REC114: variants seen among roughly 807,000 people sequenced by gnomAD.
REC114 encodes the protein REC114 meiotic recombination protein.
A neutral mutation model predicts 31.3 loss-of-function variants in REC114; 27 were observed. The observed-to-expected ratio is 0.86, with a 90% confidence interval of 0.64 to 1.19. The LOEUF (loss-of-function observed/expected upper bound fraction) is 1.19, where lower values mean the gene tolerates loss of function less well. Ranked by LOEUF, REC114 falls within the 50% of genes most tolerant of loss-of-function variation. The probability of loss-of-function intolerance (pLI) is 0.00; values close to 1 mark genes in which losing one functional copy is unlikely to be tolerated. For missense variants in REC114, 344 were observed against 326.9 expected, an observed-to-expected ratio of 1.05 and a Z score of -0.40; for synonymous variants, 134 against 127.7, an observed-to-expected ratio of 1.05 and a Z score of -0.33.
intron 2 of REC114, among the ~76,000 whole-genome samples, chr15:73,525,601 T>G (rs751847579): frequency 1.3e-5 from 2 of 152,086 alleles, no homozygotes; most frequent in Admixed American, 6.6e-5. Context: ...AATTTCACAT[T>G]GTGTTATTTA....
chr15:73,484,795 TTC>T lies in REC114; in HGVS notation c.249+10876_249+10877del, dbSNP rs751725098. 4.5e-4 allele frequency among the ~76,000 whole-genome samples: 69 copies of T among 152,350 alleles called. 1 individual carries two copies. The highest frequency in any genetic ancestry group is 2.7e-3 in the Admixed American group (41 of 15,296). ...CAGAATGGTTTTGAGACAATTTTAATTCTGTTTGTCTGGAAAACATGGGTCAT... is the reference window on the plus strand; with the variant it reads ...CAGAATGGTTTTGAGACAATTTTAATTGTTTGTCTGGAAAACATGGGTCAT... On this transcript the variant is annotated intron_variant, in intron 2 of 5. Transcript: ENST00000331090.
chr15:73,551,258 A>T, intron 4 of REC114, 108 bp downstream of exon 4: 1 of 1,106,280 alleles, frequency 9.0e-7, no homozygotes, highest in Non-Finnish European at 1.3e-6. Context: ...TGTAGTTTAA[A>T]AAACATCTAT....
At chr15:73,458,149 G>A (rs1006793425) in intron 1 of REC114, among the ~76,000 whole-genome samples, 4 of 152,186 alleles carry the variant, frequency 2.6e-5, no homozygotes, top group Admixed American at 6.5e-5. Flanking sequence ...GTAGGGAAGA[G>A]GGGACAATTC....
At chr15:73,510,771 C>T (rs1413487856) in intron 2 of REC114, among the ~76,000 whole-genome samples, 1 of 148,322 alleles carries the variant, frequency 6.7e-6, no homozygotes, top group East Asian at 2.0e-4. Flanking sequence ...ATTGAACCAG[C>T]CTTGCATCCC....
chr15:73,465,829 G>C (rs559070464), intron 1 of REC114, among the ~76,000 whole-genome samples: 12 of 152,068 alleles, frequency 7.9e-5, no homozygotes, highest in Non-Finnish European at 1.6e-4. Context: ...TTAGCCCATT[G>C]TTTTTATTTT....
In REC114 at chr15:73,514,175, G is replaced by A. The variant is rs1461982095; in HGVS notation, c.250-26310G>A. ...GCCGTTTTTTAAGCCGGTCTGAAAAGCGCAATATTCGGGTGGGAGTGACCC... is the reference window on the plus strand; with the variant it reads ...GCCGTTTTTTAAGCCGGTCTGAAAAACGCAATATTCGGGTGGGAGTGACCC... On this transcript the variant is annotated intron_variant, in intron 2 of 5. Coordinates refer to ENST00000331090, the MANE Select transcript of REC114 (RefSeq NM_001042367.2). 1.3e-5 allele frequency among the ~76,000 whole-genome samples: 2 copies of A among 151,606 alleles called. 1 individual carries two copies.
intron 2 of REC114, among the ~76,000 whole-genome samples, chr15:73,531,606 TG>T: frequency 6.6e-6 from 1 of 152,170 alleles, no homozygotes; most frequent in East Asian, 1.9e-4. Context: ...TAGGAGGAAA[TG>T]GGGGTGTCAA....
chr15:73,459,312 C>T (rs905781232), intron 1 of REC114, among the ~76,000 whole-genome samples: 1 of 151,602 alleles, frequency 6.6e-6, no homozygotes, highest in African/African-American at 2.4e-5. Flanking sequence ...TTACCACAAT[C>T]TCCACCTCGC....
chr15:73,532,705 G>A (rs1441717067), intron 2 of REC114, among the ~76,000 whole-genome samples: 5 of 152,076 alleles, frequency 3.3e-5, no homozygotes, highest in Non-Finnish European at 5.9e-5. Context: ...GATACTCCTC[G>A]AGAAGAGCAA....
At chr15:73,525,492 T>C (rs1048753679) in intron 2 of REC114, among the ~76,000 whole-genome samples, 1 of 152,056 alleles carries the variant, frequency 6.6e-6, no homozygotes, top group African/African-American at 2.4e-5. Flanking sequence ...TTCCTTTGAG[T>C]ACTATTTTCA....
intron 2 of REC114, among the ~76,000 whole-genome samples, chr15:73,521,043 G>A (rs527586706): frequency 6.6e-6 from 1 of 152,288 alleles, no homozygotes; most frequent in East Asian, 1.9e-4. Flanking sequence ...ATGTTACAGG[G>A]ACATAGAGGA....
intron 2 of REC114, among the ~76,000 whole-genome samples, chr15:73,538,248 A>T (rs187997544): frequency 4.6e-5 from 7 of 152,180 alleles, no homozygotes; most frequent in Non-Finnish European, 7.3e-5. Context: ...TAAGTGTAAA[A>T]CACACACTGG....
intron 2 of REC114, among the ~76,000 whole-genome samples, chr15:73,536,511 A>T (rs1894158986): frequency 6.6e-6 from 1 of 152,216 alleles, no homozygotes; most frequent in Non-Finnish European, 1.5e-5. Flanking sequence ...GCATGCTATG[A>T]GAACACAGAG....
intron 4 of REC114, among the ~76,000 whole-genome samples, chr15:73,555,899 G>A (rs1353806717): frequency 6.6e-6 from 1 of 152,162 alleles, no homozygotes; most frequent in Non-Finnish European, 1.5e-5. Context: ...AATTTTTAGA[G>A]TGTGACAAAT....
intron 2 of REC114, among the ~76,000 whole-genome samples, chr15:73,496,627 T>C (rs531952982): frequency 6.8e-6 from 1 of 146,430 alleles, no homozygotes; most frequent in East Asian, 2.0e-4. Flanking sequence ...CACTCCAGGC[T>C]GGATGACACG....
intron 2 of REC114, among the ~76,000 whole-genome samples, chr15:73,518,297 C>T (rs944986868): frequency 6.6e-5 from 10 of 152,208 alleles, no homozygotes; most frequent in African/African-American, 2.4e-4. Flanking sequence ...GGAGTGGCCT[C>T]CAGCACAACT....
chr15:73,553,736 CA>C (rs1331161885), intron 4 of REC114, among the ~76,000 whole-genome samples: 1 of 152,166 alleles, frequency 6.6e-6, no homozygotes, highest in Non-Finnish European at 1.5e-5. Context: ...AGACTGGTCC[CA>C]AATGTCTAGG....
intron 3 of REC114, among the ~76,000 whole-genome samples, chr15:73,547,251 G>A (rs1247454937): frequency 6.6e-6 from 1 of 152,088 alleles, no homozygotes; most frequent in Non-Finnish European, 1.5e-5. Flanking sequence ...GATTTGAATA[G>A]ACATTTCTCA....
intron 3 of REC114, among the ~76,000 whole-genome samples, chr15:73,548,257 C>T (rs990330146): frequency 3.9e-5 from 6 of 152,138 alleles, no homozygotes; most frequent in Admixed American, 1.3e-4. Context: ...TACAGGCATG[C>T]GCCACCATGC....
Sources: allele counts gnomAD v4.1 joint callset (sites outside exome capture counted in the v4.1 genomes callset), GRCh38; gene constraint gnomAD v4.1.1; transcripts MANE v1.5; gene names NCBI Gene and HGNC (gene_info 2026-07-23, HGNC 2026-07-21).